CSMD3: variants seen among roughly 807,000 people sequenced by gnomAD.
CSMD3 encodes the protein CUB and sushi domain-containing protein 3.
A neutral mutation model predicts 435.2 loss-of-function variants in CSMD3; 177 were observed. That is an observed-to-expected ratio of 0.41 (90% CI 0.36 to 0.46). The LOEUF is 0.46. Ranked by LOEUF, CSMD3 falls within the 20% of genes least tolerant of loss-of-function variation. The pLI is 0.34. For missense variants in CSMD3, 4,265 were observed against 4,504.6 expected (o/e 0.95, Z 1.52); for synonymous variants, 1,656 against 1,520.5 (o/e 1.09, Z -2.07).
intron 1 of CSMD3, among the ~76,000 whole-genome samples, chr8:113,423,138 T>A (rs914598159): frequency 1.8e-4 from 27 of 152,150 alleles, no homozygotes; most frequent in African/African-American, 6.3e-4. Flanking sequence ...GCATTTCGAC[T>A]GTAATTCATC....
intron 5 of CSMD3, among the ~76,000 whole-genome samples, chr8:113,073,496 T>G (rs2089215273): frequency 6.6e-6 from 1 of 151,808 alleles, no homozygotes; most frequent in African/African-American, 2.4e-5. Context: ...CATGTAGGTG[T>G]AACCTGGTCC....
chr8:112,363,156 AG>A (rs2131130903), intron 38 of CSMD3, among the ~76,000 whole-genome samples: 1 of 152,104 alleles, frequency 6.6e-6, no homozygotes, highest in South Asian at 2.1e-4. Context: ...TCTATGCCTC[AG>A]TTTCCTCACC....
At chr8:112,476,584 A>C (rs190857271) in intron 31 of CSMD3, among the ~76,000 whole-genome samples, 1 of 152,324 alleles carries the variant, frequency 6.6e-6, no homozygotes, top group East Asian at 1.9e-4. Context: ...GATGATTCTA[A>C]AATGTGGGGG....
At chr8:113,264,952 G>C (rs995092673) in intron 3 of CSMD3, among the ~76,000 whole-genome samples, 1 of 151,522 alleles carries the variant, frequency 6.6e-6, no homozygotes, top group East Asian at 1.9e-4. Context: ...TTTATTAAGT[G>C]CTTGGAACAT....
rs149385977 is a variant in CSMD3 at position 112,996,821 on chromosome 8, A to G, written c.1031-20673T>C. On this transcript the variant is annotated intron_variant, in intron 6 of 70. Transcript: ENST00000297405. ...TATTCTAGATTATAAAAATCAATAT[A>G]TTAGTATTTCTGAATTCTGAAAAAT... Among the ~76,000 whole-genome samples, 507 of 151,802 alleles carry G rather than the reference A, an allele frequency of 3.3e-3. 3 individuals are homozygous for G. The highest frequency in any genetic ancestry group is 0.011 in the African/African-American group (437 of 41,518).
At chr8:112,278,182 G>A (rs1818269151) in intron 59 of CSMD3, among the ~76,000 whole-genome samples, 1 of 152,132 alleles carries the variant, frequency 6.6e-6, no homozygotes, top group Non-Finnish European at 1.5e-5. Flanking sequence ...GAGTAGGGTG[G>A]CCCAAGGGAT....
intron 31 of CSMD3, among the ~76,000 whole-genome samples, chr8:112,487,252 G>A (rs1282639960): frequency 6.6e-6 from 1 of 152,182 alleles, no homozygotes; most frequent in Admixed American, 6.5e-5. Flanking sequence ...GGAGCTCTGA[G>A]GAGCACGGGG....
At chr8:112,901,827 CA>C (rs1380163513) in intron 10 of CSMD3, among the ~76,000 whole-genome samples, 2 of 151,236 alleles carry the variant, frequency 1.3e-5, no homozygotes, top group African/African-American at 4.8e-5. Context: ...CCATTCTACC[CA>C]ATCTTGTGGG....
intron 38 of CSMD3, among the ~76,000 whole-genome samples, chr8:112,355,439 T>G (rs527413581): frequency 6.6e-6 from 1 of 152,186 alleles, no homozygotes; most frequent in Non-Finnish European, 1.5e-5. Context: ...AAAATGTTCA[T>G]AATGGGAGAA....
At chr8:113,057,127 T>G (rs982620453) in intron 5 of CSMD3, among the ~76,000 whole-genome samples, 2 of 152,182 alleles carry the variant, frequency 1.3e-5, no homozygotes, top group Non-Finnish European at 2.9e-5. Context: ...ATTCCTCAAA[T>G]GGCTGTACTA....
chr8:113,137,295 G>C (rs1011268033), intron 4 of CSMD3, among the ~76,000 whole-genome samples: 1 of 151,628 alleles, frequency 6.6e-6, no homozygotes, highest in African/African-American at 2.4e-5. Flanking sequence ...AATAGAGTTA[G>C]TCTATAATTG....
At chr8:112,322,172 T>G (rs1173202959) in intron 45 of CSMD3, among the ~76,000 whole-genome samples, 2 of 152,074 alleles carry the variant, frequency 1.3e-5, no homozygotes, top group Admixed American at 6.6e-5. Context: ...TATTTTAATC[T>G]TCATGCTAAT....
chr8:113,255,152 T>C (rs1183399957), intron 3 of CSMD3, among the ~76,000 whole-genome samples: 4 of 152,096 alleles, frequency 2.6e-5, no homozygotes, highest in South Asian at 2.1e-4. Flanking sequence ...CTCCAAATAA[T>C]AAACAATAAT....
At chr8:113,075,622 C>A (rs2089304468) in intron 5 of CSMD3, among the ~76,000 whole-genome samples, 1 of 151,698 alleles carries the variant, frequency 6.6e-6, no homozygotes, top group Non-Finnish European at 1.5e-5. Flanking sequence ...AACATAGAAA[C>A]ATAGGCTTGC....
At chr8:112,261,561 G>T (rs1014095682) in intron 61 of CSMD3, among the ~76,000 whole-genome samples, 5 of 151,954 alleles carry the variant, frequency 3.3e-5, no homozygotes, top group African/African-American at 1.2e-4. Flanking sequence ...ATGTATGTGT[G>T]TGTGTGTAAA....
chr8:112,579,600 T>C (rs1772588057), intron 23 of CSMD3, among the ~76,000 whole-genome samples: 1 of 152,084 alleles, frequency 6.6e-6, no homozygotes, highest in Non-Finnish European at 1.5e-5. Context: ...AATCTAATTG[T>C]AATATAACTT....
chr8:112,958,013 T>C (rs2084092647), intron 7 of CSMD3, among the ~76,000 whole-genome samples: 1 of 152,124 alleles, frequency 6.6e-6, no homozygotes, highest in South Asian at 2.1e-4. Context: ...CAAAAGTGCA[T>C]GTCGTATTTG....
chr8:112,875,126 C>G (rs1282778577), intron 10 of CSMD3, among the ~76,000 whole-genome samples: 2 of 152,108 alleles, frequency 1.3e-5, no homozygotes, highest in African/African-American at 4.8e-5. Context: ...GTGACAAAAT[C>G]TCTCAGAATT....
intron 27 of CSMD3, among the ~76,000 whole-genome samples, chr8:112,536,083 A>T (rs539164775): frequency 2.0e-5 from 3 of 152,220 alleles, no homozygotes; most frequent in Admixed American, 2.0e-4. Context: ...AAGAAAACTT[A>T]GGCATTAGCA....
Sources: allele counts gnomAD v4.1 joint callset (sites outside exome capture counted in the v4.1 genomes callset), GRCh38; gene constraint gnomAD v4.1.1; transcripts MANE v1.5; gene names NCBI Gene and HGNC (gene_info 2026-07-23, HGNC 2026-07-21).